SFRP1: variants seen among roughly 807,000 people sequenced by gnomAD.
SFRP1 encodes the protein secreted frizzled-related protein 1.
Under a neutral mutation model 25.9 loss-of-function variants are expected in SFRP1, and 9 were observed. The ratio of observed to expected loss-of-function variants is 0.35; its 90% CI spans 0.21 to 0.61. The LOEUF is 0.61. Among genes scored for constraint, SFRP1 ranks in the 20% least tolerant of loss-of-function variants. SFRP1 has a pLI of 0.78. For missense variants in SFRP1, 346 were observed against 418.2 expected, an observed-to-expected ratio of 0.83 and a Z score of 1.51; for synonymous variants, 178 against 174.0, an observed-to-expected ratio of 1.02 and a Z score of -0.18.
chr8:41,285,015 G>A (rs571398693), intron 2 of SFRP1, among the ~76,000 whole-genome samples: 73 of 152,310 alleles, frequency 4.8e-4, no homozygotes, highest in African/African-American at 1.6e-3. Context: ...AGTCCCCTCC[G>A]CTTCCGACCT....
At position 41,265,018 on chromosome 8, in the gene SFRP1, C is replaced by T. The variant is rs942342912; in HGVS notation, c.*149G>A. The stretch of plus-strand genomic sequence containing the variant: ...GAGCGTGGCTATGGAGGGAAGGGAG[C>T]GGGAATGCTGCAAGAACAAGCCGAC... On this transcript the variant is annotated 3_prime_UTR_variant, in exon 3 of 3. Coordinates refer to ENST00000220772, the MANE Select transcript of SFRP1 (RefSeq NM_003012.5). The T allele has an allele frequency of 4.0e-5, 25 of 629,846 alleles. No individual in the cohort carries two copies. The highest frequency in any genetic ancestry group is 5.5e-5 in the African/African-American group (3 of 54,412). 39.0% of individuals were successfully genotyped at this position (629,846 alleles called of 1,614,324 possible). A position where few individuals can be genotyped will look rare whatever the true frequency, so the allele number is the denominator to read the frequency against.
At chr8:41,291,416 C>T (rs1261275422) in intron 2 of SFRP1, among the ~76,000 whole-genome samples, 2 of 152,178 alleles carry the variant, frequency 1.3e-5, no homozygotes, top group Non-Finnish European at 2.9e-5. Flanking sequence ...ATTCGCCACT[C>T]CCCAGTGCAG....
chr8:41,303,002 C>T (rs913076011), intron 2 of SFRP1, among the ~76,000 whole-genome samples: 2 of 148,044 alleles, frequency 1.4e-5, no homozygotes, highest in African/African-American at 5.0e-5. Flanking sequence ...ACCCAGAGGG[C>T]AGCCATTTAA....
chr8:41,279,827 A>T (rs1031910537), intron 2 of SFRP1, among the ~76,000 whole-genome samples: 3 of 151,738 alleles, frequency 2.0e-5, no homozygotes, highest in Admixed American at 6.6e-5. Flanking sequence ...CCATCACATG[A>T]TTCTCTCCAA....
intron 1 of SFRP1, among the ~76,000 whole-genome samples, chr8:41,304,214 G>A (rs1803964295): frequency 6.6e-6 from 1 of 152,182 alleles, no homozygotes; most frequent in Admixed American, 6.5e-5. Context: ...TGAAGAGGAG[G>A]TTTGTGGGGG....
intron 2 of SFRP1, among the ~76,000 whole-genome samples, chr8:41,273,853 G>T (rs907994555): frequency 6.6e-6 from 1 of 152,158 alleles, no homozygotes; most frequent in African/African-American, 2.4e-5. Context: ...GGCTGGGAGA[G>T]GAAGAGTCAG....
At chr8:41,266,333 C>T (rs929916646) in intron 2 of SFRP1, among the ~76,000 whole-genome samples, 1 of 152,188 alleles carries the variant, frequency 6.6e-6, no homozygotes, top group South Asian at 2.1e-4. Flanking sequence ...TTATCATGCA[C>T]TGCTTTAAGA....
In SFRP1 at chr8:41,267,909, C is replaced by T. The variant is rs149502019; in HGVS notation, c.623-2420G>A. Among the ~76,000 whole-genome samples, 433 of 152,302 alleles carry T rather than the reference C, an allele frequency of 2.8e-3. 1 individual carries two copies. The highest frequency in any genetic ancestry group is 4.8e-3 in the Non-Finnish European group (328 of 68,020). On this transcript the variant is annotated intron_variant, in intron 2 of 2. Transcript: ENST00000220772. The stretch of plus-strand genomic sequence containing the variant: ...AAGATCACAGGGAGGAGCTCAGACC[C>T]TCTTCCCAGTTTCACCTACATTTCA...
chr8:41,277,117 G>C, intron 2 of SFRP1: 1 of 440,100 alleles, frequency 2.3e-6, no homozygotes, highest in Non-Finnish European at 4.6e-6. Flanking sequence ...GGGAAGCCAC[G>C]CATCTTGGGG....
At chr8:41,301,302 T>G (rs1803913099) in intron 2 of SFRP1, among the ~76,000 whole-genome samples, 1 of 152,170 alleles carries the variant, frequency 6.6e-6, no homozygotes, top group Admixed American at 6.5e-5. Flanking sequence ...GTTCAATTTC[T>G]TTGTTTCCTA....
chr8:41,276,174 C>T (rs111521245), intron 2 of SFRP1, among the ~76,000 whole-genome samples: 1 of 152,200 alleles, frequency 6.6e-6, no homozygotes, highest in African/African-American at 2.4e-5. Context: ...GTGGAAAAGT[C>T]TGCTCAGATA....
At chr8:41,265,564 A>C (rs1803425389) in intron 2 of SFRP1, 75 bp from the exon 3 acceptor site, 4 of 1,010,076 alleles carry the variant, frequency 4.0e-6, no homozygotes, top group Non-Finnish European at 5.7e-6. Flanking sequence ...TCTTTTTTTG[A>C]TCCTCAAAGT....
chr8:41,290,388 T>C (rs1233853034), intron 2 of SFRP1, among the ~76,000 whole-genome samples: 1 of 152,198 alleles, frequency 6.6e-6, no homozygotes, highest in Admixed American at 6.5e-5. Context: ...CCATTCCCAG[T>C]GCAATGCTTT....
At chr8:41,280,892 T>G (rs552523325) in intron 2 of SFRP1, among the ~76,000 whole-genome samples, 58 of 152,324 alleles carry the variant, frequency 3.8e-4, no homozygotes, top group African/African-American at 1.3e-3. Flanking sequence ...GTTCCTAGCA[T>G]GCAGAAGGCA....
chr8:41,308,545 G>C, intron 1 of SFRP1, 71 bp downstream of exon 1: 10 of 1,286,648 alleles, frequency 7.8e-6, no homozygotes, highest in Non-Finnish European at 1.1e-5. Flanking sequence ...GTAGGGTGGC[G>C]CGGGTTCTCC....
At chr8:41,304,739 G>A (rs147686682) in intron 1 of SFRP1, among the ~76,000 whole-genome samples, 287 of 152,156 alleles carry the variant, frequency 1.9e-3, no homozygotes, top group Non-Finnish European at 3.1e-3. Flanking sequence ...GACCTGCAGA[G>A]CACCCCCAGA....
chr8:41,273,511 G>T (rs961217979), intron 2 of SFRP1, among the ~76,000 whole-genome samples: 12 of 152,046 alleles, frequency 7.9e-5, no homozygotes, highest in African/African-American at 2.7e-4. Context: ...TGTTATTTTT[G>T]ATTGAAAAGT....
chr8:41,286,538 C>CATT (rs1803704589), intron 2 of SFRP1, among the ~76,000 whole-genome samples: 1 of 152,164 alleles, frequency 6.6e-6, no homozygotes. Flanking sequence ...GCCTGGACTT[C>CATT]ATTCCATGTC....
rs117520280 is a variant in SFRP1, at chr8:41,279,551, T to A, written c.623-14062A>T. Among the ~76,000 whole-genome samples the A allele has an allele frequency of 1.5e-4, 23 of 152,004 alleles. No individual in the cohort carries two copies. The East Asian group carries it at 4.3e-3, about 28-fold the overall frequency. On this transcript the variant is annotated intron_variant, in intron 2 of 2. Transcript: ENST00000220772. ...GATCCAAGAAGCCTGGCTCACAACA[T>A]ATAAACACTACCAGAAGCAAAACGA...
Sources: allele counts gnomAD v4.1 joint callset (sites outside exome capture counted in the v4.1 genomes callset), GRCh38; gene constraint gnomAD v4.1.1; transcripts MANE v1.5; gene names NCBI Gene and HGNC (gene_info 2026-07-23, HGNC 2026-07-21).